Variants in ABHD12B observed in about 807,000 individuals in gnomAD.
ABHD12B encodes protein ABHD12B.
A neutral mutation model predicts 50.4 loss-of-function variants in ABHD12B; 42 were observed. The ratio of observed to expected loss-of-function variants is 0.83; its 90% CI spans 0.65 to 1.08. The LOEUF (loss-of-function observed/expected upper bound fraction) is 1.08. ABHD12B is among the 50% of genes least tolerant of loss of function. The pLI is 0.00. For missense variants in ABHD12B, 479 were observed against 447.7 expected (o/e 1.07, Z -0.63); for synonymous variants, 167 against 160.3 (o/e 1.04, Z -0.32).
chr14:50,881,707 G>T, intron 5 of ABHD12B, 81 bp downstream of exon 5: 1 of 1,578,962 alleles, frequency 6.3e-7, no homozygotes, highest in Non-Finnish European at 8.7e-7. Flanking sequence ...CCCTCCGCGT[G>T]GTTGTTTTTT....
chr14:50,886,371 T>C (rs1302128221), intron 7 of ABHD12B, among the ~76,000 whole-genome samples: 9 of 143,306 alleles, frequency 6.3e-5, no homozygotes, highest in Non-Finnish European at 1.0e-4. Context: ...CCCAGGGAGG[T>C]AGAGGTTGCA....
Position 50,904,683 on chromosome 14 carries a change from G to T in ABHD12B, c.*317G>T, listed in dbSNP as rs7159068. The T allele has an allele frequency of 0.029, 12,398 of 424,484 alleles. 283 individuals are homozygous for T. The highest frequency in any genetic ancestry group is 0.065 in the East Asian group (1,408 of 21,570). 26.3% of individuals were successfully genotyped at this position (424,484 alleles called of 1,614,324 possible). A position where few individuals can be genotyped will look rare whatever the true frequency, so the allele number is the denominator to read the frequency against. ...GTGGATATTTGTGAATAAGGTAGTT[G>T]CTATGGTCCGAATATCTGGGCCTGC... On this transcript the variant is annotated 3_prime_UTR_variant, in exon 13 of 13. Transcript: ENST00000337334.
chr14:50,878,622 G>A (rs780214506), intron 2 of ABHD12B, 123 bp from the exon 3 acceptor site: 151 of 751,150 alleles, frequency 2.0e-4, no homozygotes, highest in Non-Finnish European at 2.7e-4. Flanking sequence ...TCTGCTAGGA[G>A]TTTAGTGTAG....
chr14:50,890,069 A>C (rs1030241963), intron 9 of ABHD12B, among the ~76,000 whole-genome samples: 2 of 152,192 alleles, frequency 1.3e-5, no homozygotes, highest in Non-Finnish European at 2.9e-5. Flanking sequence ...CAAAATACTG[A>C]ATGCTGAGTA....
At chr14:50,876,135 T>C (rs1264167935) in intron 1 of ABHD12B, among the ~76,000 whole-genome samples, 5 of 152,222 alleles carry the variant, frequency 3.3e-5, no homozygotes, top group Admixed American at 2.0e-4. Flanking sequence ...CTCTCCTTCC[T>C]GCCGCCTTCA....
At chr14:50,890,120 T>G (rs571150279) in intron 9 of ABHD12B, among the ~76,000 whole-genome samples, 1 of 152,224 alleles carries the variant, frequency 6.6e-6, no homozygotes, top group Non-Finnish European at 1.5e-5. Flanking sequence ...TTCTAGAAAC[T>G]GAACATTCAT....
chr14:50,885,779 T>C lies in ABHD12B; in HGVS notation c.546T>C (p.Ser182=). ...LSVDYRGFGD[S]TGKPTEEGLT... is the part of the protein sequence containing the mutation. Reference sequence around the variant, plus strand: ...TCTTGCTGCCAGGATTTGGGGACTCTACAGGTAAGCCCACAGAGGAGGGAC... The same window carrying C: ...TCTTGCTGCCAGGATTTGGGGACTCCACAGGTAAGCCCACAGAGGAGGGAC... The change falls in exon 7 of 13, where the codon TCT becomes TCC. Residue 182 remains serine, a synonymous_variant. Coordinates refer to ENST00000337334, the MANE Select transcript of ABHD12B (RefSeq NM_001206673.2). The C allele has an allele frequency of 1.2e-6, 2 of 1,614,200 alleles. No homozygotes were observed. The highest frequency in any genetic ancestry group is 1.1e-5 in the South Asian group (1 of 91,074).
chr14:50,880,075 T>C (rs1025632323), intron 3 of ABHD12B, among the ~76,000 whole-genome samples: 1 of 152,200 alleles, frequency 6.6e-6, no homozygotes, highest in Non-Finnish European at 1.5e-5. Flanking sequence ...ATTTCCTACT[T>C]ATCTCTTCGG....
At chr14:50,876,675 T>C (rs1322476326) in intron 1 of ABHD12B, among the ~76,000 whole-genome samples, 1 of 152,206 alleles carries the variant, frequency 6.6e-6, no homozygotes, top group Admixed American at 6.5e-5. Context: ...TGGGTATGTG[T>C]GGCTCTGCCA....
chr14:50,873,621 G>T (rs1320333813), intron 1 of ABHD12B, among the ~76,000 whole-genome samples: 3 of 152,192 alleles, frequency 2.0e-5, no homozygotes, highest in Non-Finnish European at 4.4e-5. Context: ...GGTTGGATCT[G>T]AACACGTGGC....
intron 9 of ABHD12B, among the ~76,000 whole-genome samples, chr14:50,890,404 C>T (rs2050101689): frequency 6.6e-6 from 1 of 152,118 alleles, no homozygotes; most frequent in Non-Finnish European, 1.5e-5. Flanking sequence ...CTTCCCAATC[C>T]AGTAAGCCTT....
intron 9 of ABHD12B, among the ~76,000 whole-genome samples, chr14:50,901,500 C>T (rs545198197): frequency 3.2e-4 from 47 of 145,240 alleles, no homozygotes; most frequent in Non-Finnish European, 5.9e-4. Context: ...GTTATGTTCA[C>T]AATAGAAGCA....
At chr14:50,904,047 C>CT (rs761488389) in intron 11 of ABHD12B, 27 bp from the exon 12 acceptor site, 2 of 1,577,476 alleles carry the variant, frequency 1.3e-6, no homozygotes, top group Admixed American at 3.4e-5. Flanking sequence ...AATGGCCATC[C>CT]TTTGAGTCTC....
chr14:50,896,962 A>C (rs995122739), intron 9 of ABHD12B, among the ~76,000 whole-genome samples: 6 of 151,740 alleles, frequency 4.0e-5, no homozygotes, highest in African/African-American at 1.5e-4. Context: ...GTACCTCATC[A>C]TGATTGTGGA....
At chr14:50,899,087 GGAGGTT>G in intron 9 of ABHD12B, among the ~76,000 whole-genome samples, 1 of 152,218 alleles carries the variant, frequency 6.6e-6, no homozygotes, top group Admixed American at 6.5e-5. Context: ...CAGCTACTCG[GGAGGTT>G]GAGGCAGGAA....
chr14:50,898,447 A>C (rs2050224118), intron 9 of ABHD12B, among the ~76,000 whole-genome samples: 1 of 152,156 alleles, frequency 6.6e-6, no homozygotes, highest in Non-Finnish European at 1.5e-5. Flanking sequence ...AGCAGATTTA[A>C]TATAACTGGT....
chr14:50,878,173 C>A, intron 2 of ABHD12B, 94 bp downstream of exon 2: 1 of 1,134,168 alleles, frequency 8.8e-7, no homozygotes, highest in Non-Finnish European at 1.2e-6. Flanking sequence ...AAAGACATGT[C>A]AGCTGTAAAA....
In ABHD12B at chr14:50,900,215, G is replaced by A. The variant is rs2050247534; in HGVS notation, c.781-1614G>A. 1.3e-5 allele frequency among the ~76,000 whole-genome samples: 2 copies of A among 152,084 alleles called. 1 individual carries two copies. The highest frequency in any genetic ancestry group is 1.3e-4 in the Admixed American group (2 of 15,266). ...GCCACTGCACCCACTCCCAGTCTAG[G>A]CAACAGACTGAGACCCTGTCTCAAA... is the stretch of plus-strand genomic sequence containing the variant. On this transcript the variant is annotated intron_variant, in intron 9 of 12. Transcript: ENST00000337334.
At chr14:50,884,300 A>G (rs1338803171) in intron 5 of ABHD12B, among the ~76,000 whole-genome samples, 1 of 152,212 alleles carries the variant, frequency 6.6e-6, no homozygotes, top group Non-Finnish European at 1.5e-5. Context: ...GCTGCAACAC[A>G]CATGCATATT....
Sources: gnomAD v4.1 joint callset for allele counts (sites outside exome capture counted in the v4.1 genomes callset) on GRCh38, gnomAD v4.1.1 for gene constraint, MANE v1.5 for transcripts, NCBI Gene and HGNC (gene_info 2026-07-23, HGNC 2026-07-21) for gene names.